WWC1: variants seen among roughly 807,000 people sequenced by gnomAD.
WWC1 encodes the protein protein KIBRA.
WWC1 carries 55 observed loss-of-function variants against 138.4 expected under a neutral mutation model. The observed-to-expected ratio is 0.40, with a 90% confidence interval of 0.32 to 0.50. The LOEUF (loss-of-function observed/expected upper bound fraction) is 0.50, where lower values mean the gene tolerates loss of function less well. Ranked by LOEUF, WWC1 falls within the 20% of genes least tolerant of loss-of-function variation. The pLI is 0.72. For missense variants in WWC1, 1,226 were observed against 1,420.4 expected (o/e 0.86, Z 2.20); for synonymous variants, 524 against 564.9 (o/e 0.93, Z 1.03).
chr5:168,447,793 T>TTCCC (rs149106492), intron 17 of WWC1, among the ~76,000 whole-genome samples: 3 of 151,390 alleles, frequency 2.0e-5, no homozygotes, highest in African/African-American at 7.3e-5. Flanking sequence ...CTCTCTTTCT[T>TTCCC]TCTCTCTCTC....
At chr5:168,431,220 C>T (rs1781908664) in intron 14 of WWC1, 32 bp from the exon 15 acceptor site, 1 of 1,582,322 alleles carries the variant, frequency 6.3e-7, no homozygotes, top group Admixed American at 1.8e-5. Flanking sequence ...ATGGGCTGAC[C>T]CAAGATTTCC....
At chr5:168,415,799 GGGGGGGGGGGGGGGGC>G in intron 9 of WWC1, 1 of 19,110 alleles carries the variant, frequency 5.2e-5, no homozygotes, top group Non-Finnish European at 1.0e-4. Flanking sequence ...GTGTGTGTGT[GGGGGGGGGGGGGGGGC>G]GTGTGTGTGT....
intron 1 of WWC1, among the ~76,000 whole-genome samples, chr5:168,362,011 AG>A (rs1775916262): frequency 6.6e-6 from 1 of 152,186 alleles, no homozygotes; most frequent in African/African-American, 2.4e-5. Context: ...TGAACCCGGG[AG>A]GCAGAGGTTG....
intron 2 of WWC1, among the ~76,000 whole-genome samples, chr5:168,373,754 A>AG (rs1776940019): frequency 3.3e-5 from 4 of 122,482 alleles, no homozygotes; most frequent in Admixed American, 9.0e-5. Context: ...AAAAAAAAAA[A>AG]GGTGGGGGTG....
At chr5:168,431,486 CTGGCT>C (rs1235424993) in intron 15 of WWC1, 42 bp downstream of exon 15, 1 of 1,551,276 alleles carries the variant, frequency 6.4e-7, no homozygotes, top group East Asian at 2.3e-5. Flanking sequence ...GGCTGGCTGG[CTGGCT>C]GGCTGGCTGG....
At chr5:168,387,009 C>T (rs1778096717) in intron 3 of WWC1, among the ~76,000 whole-genome samples, 2 of 152,214 alleles carry the variant, frequency 1.3e-5, no homozygotes, top group African/African-American at 4.8e-5. Context: ...TCATGCCAGA[C>T]ACTCTGCTAT....
In WWC1 at chr5:168,442,160, C is replaced by A. The variant is rs75666782; in HGVS notation, c.2433+326C>A. Among the ~76,000 whole-genome samples, 1,418 of 152,252 alleles carry A rather than the reference C, an allele frequency of 9.3e-3. 19 individuals are homozygous for A. Among genetic ancestry groups the A allele is most frequent in the African/African-American group, 0.033 (1,357 of 41,552 alleles). On this transcript the variant is annotated intron_variant, in intron 16 of 22. Coordinates refer to ENST00000265293, the MANE Select transcript of WWC1 (RefSeq NM_015238.3). The stretch of plus-strand genomic sequence containing the variant: ...AAAACTGTGGAAGGAAAAAGATTAA[C>A]CTTTCTTGGGCCCCTACTTTGTTCA...
chr5:168,416,939 C>T (rs1444143865), intron 9 of WWC1, among the ~76,000 whole-genome samples: 2 of 152,128 alleles, frequency 1.3e-5, no homozygotes, highest in Admixed American at 1.3e-4. Flanking sequence ...ACGATCTCGG[C>T]TTACTGCAAC....
At chr5:168,387,343 G>C (rs1012929442) in intron 3 of WWC1, among the ~76,000 whole-genome samples, 7 of 152,092 alleles carry the variant, frequency 4.6e-5, no homozygotes, top group African/African-American at 1.7e-4. Context: ...ACCTTGCCAG[G>C]GTACTTACTG....
chr5:168,323,149 A>C (rs1772254799), intron 1 of WWC1, among the ~76,000 whole-genome samples: 1 of 152,248 alleles, frequency 6.6e-6, no homozygotes, highest in African/African-American at 2.4e-5. Context: ...TCTAGATGAA[A>C]ATTACAACAT....
At chr5:168,437,853 C>T (rs1026151607) in intron 15 of WWC1, among the ~76,000 whole-genome samples, 1 of 152,116 alleles carries the variant, frequency 6.6e-6, no homozygotes, top group South Asian at 2.1e-4. Flanking sequence ...ACTGTAATAT[C>T]CAAATAGCTG....
intron 1 of WWC1, among the ~76,000 whole-genome samples, chr5:168,361,970 C>T (rs1775912468): frequency 6.6e-6 from 1 of 152,152 alleles, no homozygotes; most frequent in Admixed American, 6.6e-5. Context: ...GTGGTCCCAG[C>T]TACTTGGGAG....
At chr5:168,343,613 A>C (rs764918284) in intron 1 of WWC1, among the ~76,000 whole-genome samples, 1 of 151,986 alleles carries the variant, frequency 6.6e-6, no homozygotes, top group Non-Finnish European at 1.5e-5. Flanking sequence ...CACAAAGTCA[A>C]GAGGTCAAGA....
intron 1 of WWC1, among the ~76,000 whole-genome samples, chr5:168,363,524 CAAAAAAAAAAA>C (rs386405611): frequency 3.0e-5 from 2 of 65,786 alleles, no homozygotes; most frequent in Admixed American, 2.2e-4. Flanking sequence ...GACTCTGTCT[CAAAAAAAAAAA>C]AAAAAAAAAA....
intron 8 of WWC1, chr5:168,410,263 G>A: frequency 2.5e-6 from 1 of 398,274 alleles, no homozygotes; most frequent in Non-Finnish European, 4.6e-6. Flanking sequence ...CTTCCCACTT[G>A]CCTGTCTTGA....
At position 168,401,768 on chromosome 5, in the gene WWC1, A is replaced by C. The variant is rs143778346; in HGVS notation, c.590+2201A>C. Among the ~76,000 whole-genome samples the C allele has an allele frequency of 2.0e-3, 307 of 152,312 alleles. 1 individual carries two copies. Among genetic ancestry groups the C allele is most frequent in the African/African-American group, 7.0e-3 (291 of 41,560 alleles). ...ATACATATACCAATCTTGTCTCTCA[A>C]ACCGGATTCTGAACTTTTTAAGGCC... On this transcript the variant is annotated intron_variant, in intron 5 of 22. Transcript: ENST00000265293.
At chr5:168,454,333 T>A (rs1756108035) in intron 18 of WWC1, among the ~76,000 whole-genome samples, 1 of 152,312 alleles carries the variant, frequency 6.6e-6, no homozygotes, top group African/African-American at 2.4e-5. Flanking sequence ...TGGACATAAC[T>A]CAAGCCTTGC....
intron 1 of WWC1, among the ~76,000 whole-genome samples, chr5:168,317,169 G>C (rs1387608841): frequency 6.6e-6 from 1 of 152,186 alleles, no homozygotes; most frequent in Non-Finnish European, 1.5e-5. Context: ...AAGTTGGCAA[G>C]AGGGTTGGGG....
chr5:168,295,475 T>G lies in WWC1; in HGVS notation c.119+3204T>G, dbSNP rs2152735501. Among the ~76,000 whole-genome samples, 2 of 138,510 alleles carry G rather than the reference T, an allele frequency of 1.4e-5. 1 individual carries two copies. Among genetic ancestry groups the G allele is most frequent in the Non-Finnish European group, 3.2e-5 (2 of 63,118 alleles). 90.9% of individuals were successfully genotyped at this position (138,510 alleles called of 152,430 possible). On this transcript the variant is annotated intron_variant, in intron 1 of 22. Coordinates refer to ENST00000265293, the MANE Select transcript of WWC1 (RefSeq NM_015238.3). ...TGAGACAAAAAATTGCACTAAAAAT[T>G]TCTACTCCGTGTGTGTGTGTGTGTG...
Sources: gnomAD v4.1 joint callset for allele counts (sites outside exome capture counted in the v4.1 genomes callset) on GRCh38, gnomAD v4.1.1 for gene constraint, MANE v1.5 for transcripts, NCBI Gene and HGNC (gene_info 2026-07-23, HGNC 2026-07-21) for gene names.